CCDC158: variants seen among roughly 807,000 people sequenced by gnomAD.
The protein encoded by CCDC158 is coiled-coil domain-containing protein 158.
In CCDC158, 116 loss-of-function variants were observed where a neutral mutation model predicts 138.6. The observed-to-expected ratio is 0.84, with a 90% CI of 0.72 to 0.98. The LOEUF (loss-of-function observed/expected upper bound fraction) is 0.98, where lower values mean the gene tolerates loss of function less well. Ranked by LOEUF, CCDC158 falls within the 50% of genes least tolerant of loss-of-function variation. The pLI, the probability that CCDC158 is intolerant of heterozygous loss-of-function variation, is 0.00. For missense variants in CCDC158, 1,265 were observed against 1,306.1 expected, an observed-to-expected ratio of 0.97 and a Z score of 0.48; for synonymous variants, 436 against 442.4, an observed-to-expected ratio of 0.99 and a Z score of 0.18.
intron 18 of CCDC158, among the ~76,000 whole-genome samples, chr4:76,336,584 G>T (rs1323266157): frequency 6.6e-6 from 1 of 152,110 alleles, no homozygotes; most frequent in African/African-American, 2.4e-5. Context: ...TTTTTGTATA[G>T]CTTCAAATCT....
chr4:76,315,258 A>G (rs13141024), intron 24 of CCDC158, among the ~76,000 whole-genome samples: 128,093 of 152,138 alleles, frequency 0.84, 54,183 homozygotes, highest in South Asian at 0.94. Context: ...GGCCACGGCA[A>G]GCCCTACACA....
chr4:76,403,132 A>C lies in CCDC158; in HGVS notation c.70+6T>G. On this transcript the variant is annotated splice_donor_region_variant and intron_variant, in intron 3 of 24. Coordinates refer to ENST00000682701, the MANE Select transcript of CCDC158 (RefSeq NM_001394954.1). ...TTCCCCATTTTGTTTTATAAACAGC[A>C]CATACCTCCATTAGATGTGACACCA... The C allele has an allele frequency of 6.3e-7, 1 of 1,593,572 alleles. No individual in the cohort carries two copies. Among genetic ancestry groups the C allele is most frequent in the South Asian group, 1.1e-5 (1 of 88,856 alleles).
chr4:76,325,807 G>C (rs1720466751), intron 23 of CCDC158, 50 bp downstream of exon 23: 1 of 1,505,722 alleles, frequency 6.6e-7, no homozygotes, highest in Non-Finnish European at 9.1e-7. Context: ...TTACAGTTCA[G>C]CAGTGTAGGA....
At chr4:76,313,482 GTCTC>G (rs111344215) in intron 24 of CCDC158, among the ~76,000 whole-genome samples, 3 of 152,088 alleles carry the variant, frequency 2.0e-5, no homozygotes, top group Non-Finnish European at 4.4e-5. Context: ...TAGAGACAGG[GTCTC>G]TCTATGTTGC....
chr4:76,353,871 A>AT (rs1723281190), intron 15 of CCDC158, among the ~76,000 whole-genome samples: 1 of 152,222 alleles, frequency 6.6e-6, no homozygotes, highest in Non-Finnish European at 1.5e-5. Flanking sequence ...GCGCCATGGA[A>AT]TATGTATACA....
At chr4:76,368,472 G>T (rs940696229) in intron 11 of CCDC158, among the ~76,000 whole-genome samples, 1 of 152,118 alleles carries the variant, frequency 6.6e-6, no homozygotes, top group Admixed American at 6.5e-5. Flanking sequence ...CTTTGCCTGG[G>T]TCTAAGCCAA....
At chr4:76,386,736 C>T (rs1726828812) in intron 4 of CCDC158, among the ~76,000 whole-genome samples, 1 of 151,648 alleles carries the variant, frequency 6.6e-6, no homozygotes, top group African/African-American at 2.4e-5. Context: ...ACCCCTTCCA[C>T]CATCCCCCAG....
intron 13 of CCDC158, among the ~76,000 whole-genome samples, chr4:76,357,937 TGAAAATACTTGGCACA>T (rs1447898879): frequency 6.6e-6 from 1 of 152,098 alleles, no homozygotes; most frequent in Non-Finnish European, 1.5e-5. Context: ...CCAGTATCTG[TGAAAATACTTGGCACA>T]AACTCATCAT....
chr4:76,403,251 G>A lies in CCDC158; in HGVS notation c.-44C>T, dbSNP rs770729591. ...TTATTAGAGATCTTGAAGTATGAATGGTTCCCTCTTTGGTTCTTTTGGTTC... is the reference window on the plus strand; with the variant it reads ...TTATTAGAGATCTTGAAGTATGAATAGTTCCCTCTTTGGTTCTTTTGGTTC... On this transcript the variant is annotated 5_prime_UTR_variant, in exon 3 of 25. Coordinates refer to ENST00000682701, the MANE Select transcript of CCDC158 (RefSeq NM_001394954.1). 7.4e-6 allele frequency: 10 copies of A among 1,353,900 alleles called. No homozygotes were observed. In the Admixed American group the frequency reaches 9.8e-5, roughly 13 times the overall value. The allele number at this position is 1,353,900 out of a possible 1,614,324, so 83.9% of individuals were successfully genotyped here. A position where few individuals can be genotyped will look rare whatever the true frequency, so the allele number is the denominator to read the frequency against.
At chr4:76,412,418 G>C (rs558438380) in intron 1 of CCDC158, among the ~76,000 whole-genome samples, 1 of 152,144 alleles carries the variant, frequency 6.6e-6, no homozygotes, top group East Asian at 1.9e-4. Context: ...TTTGAGATCA[G>C]CCTAGGCCAC....
rs142169876 is a variant in CCDC158, at chr4:76,355,859, ATAT to A, written c.2174-426_2174-424del. Reference sequence around the variant, plus strand: ...CATGGGGGGTGTCACATAAATAATAATATATATTGTATTATTACTAAAATGATT... The same window carrying A: ...CATGGGGGGTGTCACATAAATAATAAATATTGTATTATTACTAAAATGATT... On this transcript the variant is annotated intron_variant, in intron 14 of 24. Transcript: ENST00000682701. Among the ~76,000 whole-genome samples, 593 of 151,414 alleles carry A rather than the reference ATAT, an allele frequency of 3.9e-3. 3 individuals are homozygous for A. The highest frequency in any genetic ancestry group is 0.014 in the African/African-American group (562 of 41,292).
intron 1 of CCDC158, among the ~76,000 whole-genome samples, chr4:76,415,901 C>T (rs778613027): frequency 4.6e-5 from 7 of 152,194 alleles, no homozygotes; most frequent in East Asian, 3.9e-4. Flanking sequence ...TCAATTTCCC[C>T]GGGGGAGTTT....
chr4:76,363,914 C>T (rs1724401622), intron 12 of CCDC158, among the ~76,000 whole-genome samples: 1 of 151,990 alleles, frequency 6.6e-6, no homozygotes, highest in African/African-American at 2.4e-5. Context: ...AGTGAGAAGG[C>T]AACTGGAAGA....
chr4:76,403,761 A>G (rs552608224), intron 2 of CCDC158, among the ~76,000 whole-genome samples: 22 of 152,238 alleles, frequency 1.4e-4, no homozygotes, highest in African/African-American at 5.1e-4. Context: ...CATAAAATCA[A>G]CCAGGCACTC....
intron 2 of CCDC158, among the ~76,000 whole-genome samples, chr4:76,404,378 A>G (rs546235019): frequency 2.6e-5 from 4 of 152,326 alleles, no homozygotes; most frequent in African/African-American, 9.6e-5. Flanking sequence ...AGTCTCTCCC[A>G]CAAACAACAA....
intron 3 of CCDC158, among the ~76,000 whole-genome samples, chr4:76,398,517 A>C (rs10009035): frequency 0.029 from 4,474 of 152,042 alleles, 223 homozygotes; most frequent in African/African-American, 0.1. Flanking sequence ...AAATACAAAA[A>C]ATTAGCCAGG....
At chr4:76,316,846 G>A (rs1719432997) in intron 24 of CCDC158, among the ~76,000 whole-genome samples, 1 of 127,290 alleles carries the variant, frequency 7.9e-6, no homozygotes, top group Admixed American at 9.7e-5. Flanking sequence ...CAATAATTTT[G>A]TATCCAGCAA....
At chr4:76,382,428 T>C (rs1313921961) in intron 8 of CCDC158, among the ~76,000 whole-genome samples, 182 bp downstream of exon 8, 2 of 151,566 alleles carry the variant, frequency 1.3e-5, no homozygotes, top group African/African-American at 2.4e-5. Context: ...AAATACTTCT[T>C]ATATGGTCAG....
chr4:76,400,468 G>A (rs1163649255), intron 3 of CCDC158, among the ~76,000 whole-genome samples: 1 of 151,580 alleles, frequency 6.6e-6, no homozygotes, highest in African/African-American at 2.4e-5. Flanking sequence ...ACGAGTTAAT[G>A]GGTGCAGCAC....
Sources: allele counts gnomAD v4.1 joint callset (sites outside exome capture counted in the v4.1 genomes callset), GRCh38; gene constraint gnomAD v4.1.1; transcripts MANE v1.5; gene names NCBI Gene and HGNC (gene_info 2026-07-23, HGNC 2026-07-21).